Variants in AJUBA observed in about 807,000 individuals in gnomAD.
AJUBA encodes ajuba LIM protein, also known as LIM domain-containing protein ajuba.
In AJUBA, 20 loss-of-function variants were observed where a neutral mutation model predicts 53.3. The observed-to-expected ratio is 0.38, with a 90% CI of 0.26 to 0.55. The LOEUF (loss-of-function observed/expected upper bound fraction) is 0.55. Ranked by LOEUF, AJUBA falls within the 20% of genes least tolerant of loss-of-function variation. AJUBA has a pLI of 0.80. For missense variants in AJUBA, 580 were observed against 730.5 expected, an observed-to-expected ratio of 0.79 and a Z score of 2.38; for synonymous variants, 296 against 306.2, an observed-to-expected ratio of 0.97 and a Z score of 0.35.
In AJUBA at chr14:22,982,314, G is replaced by A. The variant is rs781300337; in HGVS notation, c.-48C>T. 32 of 1,596,328 alleles carry A rather than the reference G, an allele frequency of 2.0e-5. No homozygotes were observed. In the East Asian group the frequency reaches 5.6e-4, roughly 28 times the overall value. ...GCCCCCTCCCCGCCTGGCACCCTGC[G>A]GCGTCTCGGCGGCCGGTTCTCTTTC... On this transcript the variant is annotated 5_prime_UTR_variant, in exon 1 of 8. Coordinates refer to ENST00000262713, the MANE Select transcript of AJUBA (RefSeq NM_032876.6).
Position 22,978,337 on chromosome 14 carries a change from C to T in AJUBA, c.1108+7G>A, listed in dbSNP as rs1157455807. The T allele has an allele frequency of 2.5e-6, 4 of 1,612,042 alleles. No individual in the cohort carries two copies. In the Admixed American group the frequency reaches 6.7e-5, roughly 27 times the overall value. ...GGGGAGTGCTTGAGTATTGGGGCTA[C>T]ACTCACCACAAGAGCAGCAAACAAA... On this transcript the variant is annotated splice_region_variant and intron_variant, in intron 2 of 7. Coordinates refer to ENST00000262713, the MANE Select transcript of AJUBA (RefSeq NM_032876.6).
Position 22,981,919 on chromosome 14 carries a change from C to T in AJUBA, c.348G>A (p.Pro116=), listed in dbSNP as rs2045102795. The change falls in exon 1 of 8, where the codon CCG becomes CCA. Residue 116 remains proline (P), a synonymous_variant. Transcript: ENST00000262713. ...PPDFRLEPTA[P]ALSPRSSFAS... Reference sequence around the variant, plus strand: ...CGAAGCTAGAGCGGGGGCTGAGGGCCGGGGCCGTGGGCTCCAGCCGAAAAT... The same window carrying T: ...CGAAGCTAGAGCGGGGGCTGAGGGCTGGGGCCGTGGGCTCCAGCCGAAAAT... 1 of 1,557,324 alleles carries T rather than the reference C, an allele frequency of 6.4e-7. No homozygotes were observed. The highest frequency in any genetic ancestry group is 8.6e-7 in the Non-Finnish European group (1 of 1,156,244).
At chr14:22,977,665 C>G (rs1298262996) in intron 2 of AJUBA, 1 of 151,458 alleles carries the variant, frequency 6.6e-6, no homozygotes, top group African/African-American at 2.4e-5. Flanking sequence ...GTGAGAAAAG[C>G]TGAGTGCTGA....
At chr14:22,976,073 G>A (rs954092618) in intron 4 of AJUBA, among the ~76,000 whole-genome samples, 19 of 143,038 alleles carry the variant, frequency 1.3e-4, no homozygotes, top group African/African-American at 4.2e-4. Context: ...TGAGGCACTA[G>A]AATCACTTGA....
intron 6 of AJUBA, 129 bp from the exon 7 acceptor site, chr14:22,974,244 C>T: frequency 4.1e-6 from 4 of 977,438 alleles, no homozygotes; most frequent in Non-Finnish European, 6.4e-6. Flanking sequence ...CTGCAATCAC[C>T]TGTAGTTTTA....
At chr14:22,980,989 C>A (rs966295434) in intron 1 of AJUBA, among the ~76,000 whole-genome samples, 1 of 152,048 alleles carries the variant, frequency 6.6e-6, no homozygotes, top group Non-Finnish European at 1.5e-5. Context: ...GGCCTCCTGC[C>A]GCAAAAAACC....
intron 7 of AJUBA, 140 bp downstream of exon 7, chr14:22,973,907 G>T: frequency 9.9e-7 from 1 of 1,011,694 alleles, no homozygotes; most frequent in South Asian, 1.4e-5. Flanking sequence ...ACAAAAAAGA[G>T]ACTGAAGATA....
At chr14:22,974,625 G>C in intron 6 of AJUBA, 1 of 568,614 alleles carries the variant, frequency 1.8e-6, no homozygotes, top group South Asian at 2.4e-5. Flanking sequence ...GGATAGAAGA[G>C]ATGGAGCCTG....
intron 1 of AJUBA, 39 bp from the exon 2 acceptor site, chr14:22,978,484 C>A: frequency 1.3e-6 from 2 of 1,590,590 alleles, no homozygotes; most frequent in South Asian, 1.1e-5. Flanking sequence ...TCCCCCAGGT[C>A]AAAACCAGGG....
intron 1 of AJUBA, 151 bp from the exon 2 acceptor site, chr14:22,978,596 G>A: frequency 2.8e-6 from 4 of 1,420,072 alleles, no homozygotes; most frequent in Non-Finnish European, 3.7e-6. Flanking sequence ...GTAATGAGAT[G>A]CAGCAAGATC....
Position 22,979,040 on chromosome 14 carries a change from T to G in AJUBA, c.1007-595A>C. The G allele has an allele frequency of 7.8e-7, 1 of 1,288,980 alleles. No individual in the cohort carries two copies. The highest frequency in any genetic ancestry group is 1.2e-5 in the South Asian group (1 of 80,992). The allele number at this position is 1,288,980 out of a possible 1,614,324, so 79.8% of individuals were successfully genotyped here. A position where few individuals can be genotyped will look rare whatever the true frequency, so the allele number is the denominator to read the frequency against. ...GGGGACCATGTGAGCATGATTCCTG[T>G]GGGGAGGTGGCTGCTGAGAATGCAG... On this transcript the variant is annotated intron_variant, in intron 1 of 7. Transcript: ENST00000262713. This position sits in a 1 kb window ranked among gnomAD's most constrained non-coding sequence, Gnocchi z 4.0.
At chr14:22,980,828 C>G (rs1039601124) in intron 1 of AJUBA, among the ~76,000 whole-genome samples, 1 of 151,944 alleles carries the variant, frequency 6.6e-6, no homozygotes, top group Non-Finnish European at 1.5e-5. Flanking sequence ...GCCCCGCCCC[C>G]CCACCCGCGC....
rs999195519 is a variant in AJUBA, at chr14:22,972,641, G to C, written c.*802C>G. 2.6e-5 allele frequency: 4 copies of C among 152,628 alleles called. No individual in the cohort carries two copies. Among genetic ancestry groups the C allele is most frequent in the African/African-American group, 7.2e-5 (3 of 41,420 alleles). The allele number at this position is 152,628 out of a possible 1,614,324, so 9.5% of individuals were successfully genotyped here. ...CAGAGCTGGTCCCCATTCTCAGACA[G>C]ATAAGGAGCTCTCCTAGTCCTTAGA... On this transcript the variant is annotated 3_prime_UTR_variant, in exon 8 of 8. Transcript: ENST00000262713.
At position 22,975,058 on chromosome 14, in the gene AJUBA, C is replaced by T; in HGVS notation, c.1286G>A (p.Cys429Tyr). ...ATCCAGGCACTTGTTGCAAACAATG[C>T]ATCGGAAACAGCCTGGATGATAGGA... Reference protein sequence around the residue: ...GKSYHPGCFRCIVCNKCLDGI... With the variant: ...GKSYHPGCFRYIVCNKCLDGI... Residue 429 changes from cysteine (C) to tyrosine (Y), a missense_variant, in exon 5 of 8, where the codon TGC (cysteine) becomes TAC (tyrosine). Around this residue, in one of 2 missense-constraint regions of AJUBA, gnomAD observed 150 missense variants for 259.0 expected, o/e 0.58. Transcript: ENST00000262713. 6.2e-7 allele frequency: 1 copy of T among 1,614,134 alleles called. No homozygotes were observed. The highest frequency in any genetic ancestry group is 8.5e-7 in the Non-Finnish European group (1 of 1,180,020).
rs1192844186 is a variant in AJUBA, at chr14:22,981,788, T to C, written c.479A>G (p.Asn160Ser). The C allele has an allele frequency of 7.2e-6, 11 of 1,534,178 alleles. 1 individual carries two copies. The highest frequency in any genetic ancestry group is 3.9e-5 in the Admixed American group (2 of 50,930). The change falls in exon 1 of 8, where the codon AAT (asparagine) becomes AGT (serine). Residue 160 changes from asparagine (N) to serine (S), a missense_variant. By Grantham distance (46) the Asn-to-Ser change is conservative. This residue lies in a region of AJUBA where 430 missense variants were observed against 471.5 expected (regional missense o/e 0.91). Coordinates refer to ENST00000262713, the MANE Select transcript of AJUBA (RefSeq NM_032876.6). ...GGAGGSRPCS[N>S]RTSGISMGYD... ...GCCCATGCTGATGCCGCTGGTGCGATTGCTGCAGGGCCGGCTACCTCCAGC... is the reference window on the plus strand; with the variant it reads ...GCCCATGCTGATGCCGCTGGTGCGACTGCTGCAGGGCCGGCTACCTCCAGC...
Position 22,979,285 on chromosome 14 carries a change from G to T in AJUBA, c.1007-840C>A. 2 of 391,934 alleles carry T rather than the reference G, an allele frequency of 5.1e-6. No individual in the cohort carries two copies. Among genetic ancestry groups the T allele is most frequent in the Non-Finnish European group, 7.0e-6 (2 of 287,382 alleles). The allele number at this position is 391,934 out of a possible 1,614,324, so 24.3% of individuals were successfully genotyped here. A position where few individuals can be genotyped will look rare whatever the true frequency, so the allele number is the denominator to read the frequency against. On this transcript the variant is annotated intron_variant, in intron 1 of 7. Transcript: ENST00000262713. The surrounding 1 kb of genome is among the most constrained non-coding windows in gnomAD (Gnocchi z 4.0). ...CCCAATTCCAGGCCCATGAGTGAGG[G>T]CTAGGGCCTGTCTTTGGGGAGCAGA...
rs561426391 is a variant in AJUBA at position 22,981,433 on chromosome 14, G to C, written c.834C>G (p.Asp278Glu). Reference protein sequence around the residue: ...GDCAVGARYQDELTALLRLTV... With the variant: ...GDCAVGARYQEELTALLRLTV... ...TCAGGCGAAGCAAAGCTGTTAGCTC[G>C]TCCTGGTACCGGGCGCCCACGGCGC... The change falls in exon 1 of 8, where the codon GAC becomes GAG. Residue 278 changes from aspartate to glutamate, a missense_variant. Asp to Glu is a conservative substitution (Grantham distance 45). Transcript: ENST00000262713. 1 of 1,611,678 alleles carries C rather than the reference G, an allele frequency of 6.2e-7. No homozygotes were observed. Among genetic ancestry groups the C allele is most frequent in the Non-Finnish European group, 8.5e-7 (1 of 1,179,476 alleles).
chr14:22,976,763 GACTTC>G (rs752480248), intron 2 of AJUBA, 51 bp from the exon 3 acceptor site: 21 of 1,592,402 alleles, frequency 1.3e-5, no homozygotes, highest in Admixed American at 1.8e-5. Flanking sequence ...CCAGGTGCAA[GACTTC>G]TGGGGTCACT....
Position 22,973,383 on chromosome 14 carries a change from AG to A in AJUBA, c.*59del. 6.4e-7 allele frequency: 1 copy of A among 1,561,562 alleles called. No homozygotes were observed. The highest frequency in any genetic ancestry group is 2.4e-5 in the East Asian group (1 of 41,772). On this transcript the variant is annotated 3_prime_UTR_variant, in exon 8 of 8. Coordinates refer to ENST00000262713, the MANE Select transcript of AJUBA (RefSeq NM_032876.6). ...CATTCTTTGCCTTGGCTGGCCTCAGAGGGGCCCACTGGCCACAGCAGTTTGT... is the reference window on the plus strand; with the variant it reads ...CATTCTTTGCCTTGGCTGGCCTCAGAGGGCCCACTGGCCACAGCAGTTTGT...
Sources: gnomAD v4.1 joint callset for allele counts (sites outside exome capture counted in the v4.1 genomes callset) on GRCh38, gnomAD v4.1.1 for gene constraint, gnomAD v4.1.1 regional missense constraint, Gnocchi (gnomAD v3.1) non-coding constraint, MANE v1.5 for transcripts, NCBI Gene and HGNC (gene_info 2026-07-23, HGNC 2026-07-21) for gene names.